Variants in LAMA2 observed in about 807,000 individuals in gnomAD.
LAMA2 encodes the protein laminin subunit alpha 2.
Under a neutral mutation model 364.8 loss-of-function variants are expected in LAMA2, and 269 were observed. The observed-to-expected ratio is 0.74, with a 90% CI of 0.67 to 0.82. The LOEUF is 0.82. LAMA2 is among the 40% of genes least tolerant of loss of function. The pLI is 0.00. For missense variants in LAMA2, 3,807 were observed against 3,873.2 expected (o/e 0.98, Z 0.45); for synonymous variants, 1,379 against 1,370.6 (o/e 1.01, Z -0.14).
chr6:129,121,198 A>G (rs1362467022), intron 4 of LAMA2, among the ~76,000 whole-genome samples: 9 of 152,174 alleles, frequency 5.9e-5, no homozygotes, highest in African/African-American at 2.2e-4. Flanking sequence ...CAGGGAACTT[A>G]TAAAAACAAA....
chr6:128,940,479 G>A (rs1780083209), intron 1 of LAMA2, among the ~76,000 whole-genome samples: 1 of 152,082 alleles, frequency 6.6e-6, no homozygotes, highest in South Asian at 2.1e-4. Context: ...CTGGTACATT[G>A]CAGACATCTA....
chr6:129,198,103 G>A (rs762284420), intron 12 of LAMA2, among the ~76,000 whole-genome samples: 6 of 152,026 alleles, frequency 3.9e-5, no homozygotes, highest in Non-Finnish European at 2.9e-5. Context: ...TTCAATGTGA[G>A]TTGGTTTGTG....
rs568871724 is a variant in LAMA2 at position 129,242,956 on chromosome 6, G to GTT, written c.1783-7153_1783-7152dup. On this transcript the variant is annotated intron_variant, in intron 12 of 64. Transcript: ENST00000421865. ...AGCACATCATCTTCTTCTATGTGAT[G>GTT]TTTTGCAAATCTATTCATAGGAGAT... is the stretch of plus-strand genomic sequence containing the variant. 1.8e-3 allele frequency among the ~76,000 whole-genome samples: 274 copies of GTT among 152,194 alleles called. 2 individuals are homozygous for GTT. Among genetic ancestry groups the GTT allele is most frequent in the African/African-American group, 6.5e-3 (269 of 41,562 alleles).
Position 129,353,368 on chromosome 6 carries a change from T to C in LAMA2, c.4717+11T>C. ...GCTGGGAGTGTGTTTGTACGTATAC[T>C]AACTTTGCTGTTAGTTTTGGAGGCC... is the stretch of plus-strand genomic sequence containing the variant. On this transcript the variant is annotated intron_variant, in intron 32 of 64. Transcript: ENST00000421865. 6.2e-7 allele frequency: 1 copy of C among 1,611,102 alleles called. No individual in the cohort carries two copies. Among genetic ancestry groups the C allele is most frequent in the Non-Finnish European group, 8.5e-7 (1 of 1,177,786 alleles).
chr6:129,417,730 C>T (rs1471142651), intron 40 of LAMA2, among the ~76,000 whole-genome samples: 1 of 152,176 alleles, frequency 6.6e-6, no homozygotes, highest in African/African-American at 2.4e-5. Context: ...CCCCCTTGGC[C>T]TCCCTAATGT....
At chr6:129,157,773 A>G (rs530212277) in intron 8 of LAMA2, 1 of 1,612,974 alleles carries the variant, frequency 6.2e-7, no homozygotes, top group Non-Finnish European at 8.5e-7. Context: ...GTAGTCTTCC[A>G]CGATCCCTCC....
chr6:128,954,982 C>CAAA (rs368505869), intron 1 of LAMA2, among the ~76,000 whole-genome samples: 1 of 141,984 alleles, frequency 7.0e-6, no homozygotes. Flanking sequence ...CAGGTGTGAG[C>CAAA]AAAAAAAAAA....
intron 41 of LAMA2, among the ~76,000 whole-genome samples, chr6:129,436,169 A>T (rs1489097073): frequency 1.3e-5 from 2 of 152,220 alleles, no homozygotes; most frequent in Non-Finnish European, 2.9e-5. Context: ...ACAACCGGGT[A>T]TAAAATGAGA....
intron 32 of LAMA2, among the ~76,000 whole-genome samples, chr6:129,354,599 T>C (rs1777048855): frequency 1.3e-5 from 2 of 152,134 alleles, no homozygotes; most frequent in Non-Finnish European, 2.9e-5. Context: ...TATATAGATA[T>C]TCTTAATGTA....
chr6:129,398,438 T>C (rs1779777294), intron 37 of LAMA2, among the ~76,000 whole-genome samples: 1 of 151,616 alleles, frequency 6.6e-6, no homozygotes, highest in African/African-American at 2.4e-5. Context: ...GTCCCAGGAA[T>C]GGACTTCATT....
rs964088662 is a variant in LAMA2, at chr6:129,332,878, T to A, written c.4311+4466T>A. Among the ~76,000 whole-genome samples, 4 of 141,840 alleles carry A rather than the reference T, an allele frequency of 2.8e-5. 1 individual carries two copies. Among genetic ancestry groups the A allele is most frequent in the East Asian group, 4.2e-4 (2 of 4,762 alleles). The allele number at this position is 141,840 out of a possible 152,430, so 93.1% of individuals were successfully genotyped here. ...TCAGTTGATTCAGTTATTGTTAAGT[T>A]TACCATTTTTTTTTTTTTTTTTTTT... is the stretch of plus-strand genomic sequence containing the variant. On this transcript the variant is annotated intron_variant, in intron 29 of 64. Transcript: ENST00000421865.
chr6:128,987,126 G>GTTTTT (rs377549921), intron 1 of LAMA2, among the ~76,000 whole-genome samples: 171 of 120,908 alleles, frequency 1.4e-3, no homozygotes, highest in East Asian at 5.0e-3. Flanking sequence ...AGGATAGTTT[G>GTTTTT]TTTTTTTTTT....
intron 1 of LAMA2, among the ~76,000 whole-genome samples, chr6:128,969,693 A>C (rs763974830): frequency 6.6e-6 from 1 of 152,138 alleles, no homozygotes; most frequent in Non-Finnish European, 1.5e-5. Context: ...GACCTCCCAA[A>C]GTGCTGGGAC....
intron 2 of LAMA2, among the ~76,000 whole-genome samples, chr6:129,058,971 GC>G (rs1463514314): frequency 2.0e-5 from 3 of 152,176 alleles, no homozygotes; most frequent in African/African-American, 7.2e-5. Flanking sequence ...AGTCTGTTGG[GC>G]CCACAGAGCA....
At chr6:128,979,515 C>A (rs1259323069) in intron 1 of LAMA2, among the ~76,000 whole-genome samples, 1 of 152,162 alleles carries the variant, frequency 6.6e-6, no homozygotes, top group African/African-American at 2.4e-5. Context: ...AAATGAAATG[C>A]CAGTAACTAG....
At chr6:129,198,402 A>G (rs1781975071) in intron 12 of LAMA2, among the ~76,000 whole-genome samples, 3 of 152,202 alleles carry the variant, frequency 2.0e-5, no homozygotes, top group Non-Finnish European at 4.4e-5. Context: ...ATTCCAGTTA[A>G]GCATTTTTTC....
chr6:129,154,755 A>G, intron 8 of LAMA2, 72 bp downstream of exon 8: 1 of 1,252,886 alleles, frequency 8.0e-7, no homozygotes, highest in Admixed American at 1.8e-5. Flanking sequence ...TATACAAAAA[A>G]ATAATAATTT....
intron 40 of LAMA2, among the ~76,000 whole-genome samples, chr6:129,405,772 C>T (rs868757658): frequency 2.0e-5 from 3 of 151,994 alleles, no homozygotes; most frequent in South Asian, 2.1e-4. Flanking sequence ...AAAAGCATTA[C>T]GTTGAGTAAT....
At chr6:129,175,106 T>C (rs921467104) in intron 9 of LAMA2, among the ~76,000 whole-genome samples, 3 of 152,260 alleles carry the variant, frequency 2.0e-5, no homozygotes, top group Non-Finnish European at 2.9e-5. Context: ...TTGGGTAATC[T>C]ATTAGAAACG....
Sources: gnomAD v4.1 joint callset for allele counts (sites outside exome capture counted in the v4.1 genomes callset) on GRCh38, gnomAD v4.1.1 for gene constraint, MANE v1.5 for transcripts, NCBI Gene and HGNC (gene_info 2026-07-23, HGNC 2026-07-21) for gene names.